Variants in FILIP1L observed in about 807,000 individuals in gnomAD.
FILIP1L encodes the protein filamin A interacting protein 1 like.
Under a neutral mutation model 96.6 loss-of-function variants are expected in FILIP1L, and 55 were observed. That is an observed-to-expected ratio of 0.57 (90% CI 0.46 to 0.71). The LOEUF (loss-of-function observed/expected upper bound fraction) is 0.71, where lower values mean the gene tolerates loss of function less well. Ranked by LOEUF, FILIP1L falls within the 30% of genes least tolerant of loss-of-function variation. The pLI is 0.00. For synonymous variants in FILIP1L, 467 were observed against 473.9 expected (o/e 0.99, Z 0.19); for missense variants, 1,304 against 1,321.2 (o/e 0.99, Z 0.20).
At chr3:99,966,541 A>G (rs866394645) in intron 1 of FILIP1L, among the ~76,000 whole-genome samples, 3 of 152,212 alleles carry the variant, frequency 2.0e-5, no homozygotes, top group Non-Finnish European at 4.4e-5. Flanking sequence ...TTCACTCATC[A>G]CTAACAATTA....
intron 1 of FILIP1L, among the ~76,000 whole-genome samples, chr3:100,029,351 T>C (rs1011315017): frequency 1.3e-5 from 2 of 152,100 alleles, no homozygotes; most frequent in African/African-American, 2.4e-5. Flanking sequence ...ATTATGATAA[T>C]TGTTCAATAA....
intron 4 of FILIP1L, among the ~76,000 whole-genome samples, chr3:99,920,534 T>G (rs1477380472): frequency 6.6e-6 from 1 of 152,206 alleles, no homozygotes. Flanking sequence ...TTGGAGCTGG[T>G]CAGTGAACGT....
At chr3:99,955,228 A>G (rs1241577864) in intron 1 of FILIP1L, among the ~76,000 whole-genome samples, 1 of 152,210 alleles carries the variant, frequency 6.6e-6, no homozygotes, top group Non-Finnish European at 1.5e-5. Context: ...CTGTAGTAAT[A>G]AAGTGGCATG....
chr3:99,857,248 G>A (rs765738858), intron 4 of FILIP1L, among the ~76,000 whole-genome samples: 3 of 152,200 alleles, frequency 2.0e-5, no homozygotes, highest in Non-Finnish European at 1.5e-5. Flanking sequence ...GTATGAGTGG[G>A]TTTCCCATCA....
intron 1 of FILIP1L, among the ~76,000 whole-genome samples, chr3:100,061,016 C>A (rs1347310751): frequency 6.6e-6 from 1 of 152,106 alleles, no homozygotes; most frequent in Non-Finnish European, 1.5e-5. Flanking sequence ...TAGCCACACA[C>A]AAGAAACCAC....
At chr3:100,047,822 A>C (rs2065301180) in intron 1 of FILIP1L, among the ~76,000 whole-genome samples, 1 of 152,084 alleles carries the variant, frequency 6.6e-6, no homozygotes, top group Non-Finnish European at 1.5e-5. Context: ...TCTCCCCAGA[A>C]GGCATTTGAA....
At chr3:99,886,969 CAAA>C (rs544548363) in intron 4 of FILIP1L, among the ~76,000 whole-genome samples, 5 of 89,840 alleles carry the variant, frequency 5.6e-5, no homozygotes, top group Admixed American at 1.3e-4. Context: ...GACTCCATCT[CAAA>C]AAAAAAAAAA....
intron 1 of FILIP1L, among the ~76,000 whole-genome samples, chr3:99,940,953 C>T (rs571372878): frequency 1.1e-3 from 168 of 152,306 alleles, no homozygotes; most frequent in Admixed American, 2.3e-3. Context: ...ACTCTTAAAG[C>T]GCCTTGGGCT....
rs542406026 is a variant in FILIP1L at position 99,934,772 on chromosome 3, G to T, written c.-10-3742C>A. ...AGATGAAATCTGGTAGGAGAACATA[G>T]ATCATTTGCCAGTGATGATATTCAT... On this transcript the variant is annotated intron_variant, in intron 1 of 5. Transcript: ENST00000477258. 2.0e-5 allele frequency among the ~76,000 whole-genome samples: 3 copies of T among 152,310 alleles called. No homozygotes were observed. In the East Asian group the frequency reaches 5.8e-4, roughly 29 times the overall value.
chr3:99,972,876 A>T (rs2107720267), intron 1 of FILIP1L, among the ~76,000 whole-genome samples: 1 of 152,332 alleles, frequency 6.6e-6, no homozygotes, highest in Admixed American at 6.5e-5. Context: ...TTCATGTTAG[A>T]TGTAAATAAT....
intron 5 of FILIP1L, among the ~76,000 whole-genome samples, chr3:99,833,808 T>G (rs1354311541): frequency 6.6e-6 from 1 of 152,152 alleles, no homozygotes; most frequent in Non-Finnish European, 1.5e-5. Context: ...GGACGGTGGT[T>G]GGATTCAGGG....
chr3:100,046,565 G>T (rs1333919007), intron 1 of FILIP1L, among the ~76,000 whole-genome samples: 1 of 151,920 alleles, frequency 6.6e-6, no homozygotes, highest in Non-Finnish European at 1.5e-5. Flanking sequence ...GTTACAATTG[G>T]TTGTTGTTGA....
At position 99,997,817 on chromosome 3, in the gene FILIP1L, A is replaced by G. The variant is rs189413770; in HGVS notation, c.-10-66787T>C. On this transcript the variant is annotated intron_variant, in intron 1 of 5. Transcript: ENST00000477258. The stretch of plus-strand genomic sequence containing the variant: ...AGTTTTGATTTCCCTCAAATACCAA[A>G]TATCTGGCAATTTAACACATAAGTC... Among the ~76,000 whole-genome samples the G allele has an allele frequency of 6.2e-4, 95 of 152,332 alleles. 1 individual carries two copies. Among genetic ancestry groups the G allele is most frequent in the Non-Finnish European group, 1.0e-3 (68 of 68,016 alleles).
At chr3:100,091,426 G>A (rs1033012893) in intron 1 of FILIP1L, among the ~76,000 whole-genome samples, 11 of 152,186 alleles carry the variant, frequency 7.2e-5, no homozygotes, top group African/African-American at 2.7e-4. Flanking sequence ...AAAGACTCAT[G>A]TTTTGTAAGG....
rs180766459 is a variant in FILIP1L at position 99,864,379 on chromosome 3, T to G, written c.606-13309A>C. Among the ~76,000 whole-genome samples the G allele has an allele frequency of 4.4e-4, 67 of 152,278 alleles. 1 individual carries two copies. Among genetic ancestry groups the G allele is most frequent in the Middle Eastern group, 3.4e-3 (1 of 294 alleles). On this transcript the variant is annotated intron_variant, in intron 4 of 5. Coordinates refer to ENST00000477258, the MANE Select transcript of FILIP1L (RefSeq NM_001387850.1). ...GTGCCACTAGATCTCACTTAATACT[T>G]ATAGCAACTGTATGAGCTAAGTATT...
Position 100,011,553 on chromosome 3 carries a change from G to A in FILIP1L, c.-10-80523C>T, listed in dbSNP as rs1449183765. On this transcript the variant is annotated intron_variant, in intron 1 of 5. Coordinates refer to ENST00000477258, the MANE Select transcript of FILIP1L (RefSeq NM_001387850.1). The stretch of plus-strand genomic sequence containing the variant: ...ATACCTGACAATTTATATCTATAAA[G>A]CCTGTTGAGATCATGGAATATTAGC... 2.0e-5 allele frequency: 3 copies of A among 152,104 alleles called. No homozygotes were observed. In the East Asian group the frequency reaches 5.8e-4, roughly 29 times the overall value. 9.4% of individuals were successfully genotyped at this position (152,104 alleles called of 1,614,324 possible).
intron 1 of FILIP1L, among the ~76,000 whole-genome samples, chr3:100,088,081 T>G (rs2066043561): frequency 6.6e-6 from 1 of 152,134 alleles, no homozygotes; most frequent in Non-Finnish European, 1.5e-5. Context: ...TCTGCCTGCC[T>G]CGGCCTCCCA....
At chr3:100,043,099 T>C (rs2065230976) in intron 1 of FILIP1L, among the ~76,000 whole-genome samples, 1 of 152,226 alleles carries the variant, frequency 6.6e-6, no homozygotes, top group South Asian at 2.1e-4. Flanking sequence ...GAATGTTTTT[T>C]GAATTATAAT....
intron 1 of FILIP1L, among the ~76,000 whole-genome samples, chr3:100,003,913 A>G (rs1709913806): frequency 6.6e-6 from 1 of 152,198 alleles, no homozygotes; most frequent in Non-Finnish European, 1.5e-5. Context: ...AAAAATTTAC[A>G]TTGTGCAAAC....
Sources: allele counts gnomAD v4.1 joint callset (sites outside exome capture counted in the v4.1 genomes callset), GRCh38; gene constraint gnomAD v4.1.1; transcripts MANE v1.5; gene names NCBI Gene and HGNC (gene_info 2026-07-23, HGNC 2026-07-21).